RESF1: variants seen among roughly 807,000 people sequenced by gnomAD.
RESF1 encodes the protein gonad expressed transcript.
A neutral mutation model predicts 134.7 loss-of-function variants in RESF1; 65 were observed. That is an observed-to-expected ratio of 0.48 (90% CI 0.40 to 0.59). The LOEUF is 0.59. Among genes scored for constraint, RESF1 ranks in the 20% least tolerant of loss-of-function variants. The probability of loss-of-function intolerance (pLI) is 0.00; values close to 1 mark genes in which losing one functional copy is unlikely to be tolerated. For missense variants in RESF1, 2,274 were observed against 2,002.7 expected, an observed-to-expected ratio of 1.14 and a Z score of -2.59; for synonymous variants, 762 against 702.2, an observed-to-expected ratio of 1.09 and a Z score of -1.35.
chr12:31,978,712 ATTTT>A (rs35842957), intron 3 of RESF1, among the ~76,000 whole-genome samples: 13 of 121,924 alleles, frequency 1.1e-4, no homozygotes, highest in Admixed American at 1.8e-4. Context: ...CACCCAGCTA[ATTTT>A]TTTTTTTTTT....
chr12:31,977,105 C>T (rs1289446790), intron 3 of RESF1, among the ~76,000 whole-genome samples: 1 of 152,034 alleles, frequency 6.6e-6, no homozygotes, highest in Non-Finnish European at 1.5e-5. Flanking sequence ...TGATGCAGTC[C>T]GTTTTATGGA....
At position 31,992,511 on chromosome 12, in the gene RESF1, C is replaced by T; in HGVS notation, c.5220C>T (p.Ser1740=). The change falls in exon 6 of 6, where the codon AGC becomes AGT. Residue 1740 remains serine, a synonymous_variant. Transcript: ENST00000312561. ...TGTACCTGGAGAAGAGAAGCAGAAG[C>T]CTTGGTAGCAGTCCTGTAAAATAAT... ...KQMYLEKRSR[S]LGSSPVK 6.2e-7 allele frequency: 1 copy of T among 1,613,804 alleles called. No individual in the cohort carries two copies. Among genetic ancestry groups the T allele is most frequent in the Non-Finnish European group, 8.5e-7 (1 of 1,179,898 alleles).
Position 31,982,357 on chromosome 12 carries a change from C to G in RESF1, c.1402C>G (p.Gln468Glu), listed in dbSNP as rs145850029. The change falls in exon 4 of 6, where the codon CAA (glutamine) becomes GAA (glutamate). Residue 468 changes from glutamine (Q) to glutamate (E), a missense_variant. Transcript: ENST00000312561. ...TPVMPENAER[Q>E]TPTVVESAET... ...AGTAATGCCAGAGAATGCAGAGAGACAAACACCAACAGTAGTGGAATCTGC... is the reference window on the plus strand; with the variant it reads ...AGTAATGCCAGAGAATGCAGAGAGAGAAACACCAACAGTAGTGGAATCTGC... The G allele has an allele frequency of 6.0e-5, 97 of 1,614,122 alleles. No individual in the cohort carries two copies. The African/African-American group carries it at 1.3e-3, about 21-fold the overall frequency.
At position 31,982,057 on chromosome 12, in the gene RESF1, A is replaced by G. The variant is rs1592260906; in HGVS notation, c.1102A>G (p.Asn368Asp). 1 of 1,614,132 alleles carries G rather than the reference A, an allele frequency of 6.2e-7. No homozygotes were observed. The highest frequency in any genetic ancestry group is 8.5e-7 in the Non-Finnish European group (1 of 1,180,016). The stretch of plus-strand genomic sequence containing the variant: ...TGGTGTTCAGACTCTTGCTCAAACT[A>G]ATGAAGAGAAAATAATGGATTCTTG... ...VDGVQTLAQT[N>D]EEKIMDSCNP... Residue 368 changes from asparagine (N) to aspartate (D), a missense_variant, in exon 4 of 6, where the codon AAT becomes GAT. Coordinates refer to ENST00000312561, the MANE Select transcript of RESF1 (RefSeq NM_018169.4).
At chr12:31,973,691 C>G (rs1939565067) in intron 3 of RESF1, among the ~76,000 whole-genome samples, 1 of 141,872 alleles carries the variant, frequency 7.0e-6, no homozygotes, top group Non-Finnish European at 1.5e-5. Flanking sequence ...AAAAAAAAAC[C>G]AAATTAACAT....
At chr12:31,975,265 A>C (rs1239579517) in intron 3 of RESF1, among the ~76,000 whole-genome samples, 1 of 151,174 alleles carries the variant, frequency 6.6e-6, no homozygotes, top group Non-Finnish European at 1.5e-5. Context: ...ACTCCATCTG[A>C]AAAAAAAAGA....
intron 5 of RESF1, among the ~76,000 whole-genome samples, chr12:31,989,177 A>ACC (rs1940042014): frequency 6.8e-6 from 1 of 146,378 alleles, no homozygotes; most frequent in Non-Finnish European, 1.5e-5. Context: ...CAGGCGGATC[A>ACC]TGAGGTCAGG....
In RESF1 at chr12:31,981,836, C is replaced by G. The variant is rs545958176; in HGVS notation, c.881C>G (p.Thr294Ser). 2 of 1,614,080 alleles carry G rather than the reference C, an allele frequency of 1.2e-6. No homozygotes were observed. The highest frequency in any genetic ancestry group is 2.7e-5 in the African/African-American group (2 of 75,022). ...TATGGAAGCCAGCCTTTGCAAAGTACTCAGCATATTACTAAACACTTGTCT... is the reference window on the plus strand; with the variant it reads ...TATGGAAGCCAGCCTTTGCAAAGTAGTCAGCATATTACTAAACACTTGTCT... Reference protein sequence around the residue: ...CRYGSQPLQSTQHITKHLSME... With the variant: ...CRYGSQPLQSSQHITKHLSME... The change falls in exon 4 of 6, where the codon ACT (threonine) becomes AGT (serine). Residue 294 changes from threonine (T) to serine (S), a missense_variant. Physicochemically the swap from Thr to Ser is moderately conservative, Grantham distance 58. Transcript: ENST00000312561.
At chr12:31,973,167 C>G (rs1171782052) in intron 3 of RESF1, among the ~76,000 whole-genome samples, 3 of 152,066 alleles carry the variant, frequency 2.0e-5, no homozygotes, top group African/African-American at 7.2e-5. Context: ...GGAAACTTGT[C>G]TATGGTAATC....
chr12:31,989,153 T>G (rs942306851), intron 5 of RESF1, among the ~76,000 whole-genome samples: 1 of 150,422 alleles, frequency 6.6e-6, no homozygotes, highest in Non-Finnish European at 1.5e-5. Flanking sequence ...TCTCAGCACT[T>G]TGGGAGGCCG....
intron 3 of RESF1, among the ~76,000 whole-genome samples, chr12:31,972,018 TAG>T (rs1445750618): frequency 6.6e-6 from 1 of 152,156 alleles, no homozygotes; most frequent in Non-Finnish European, 1.5e-5. Context: ...CCGGAAAGGA[TAG>T]AGTTTAGAAG....
intron 2 of RESF1, among the ~76,000 whole-genome samples, chr12:31,963,428 T>A (rs1046662603): frequency 1.3e-5 from 2 of 152,138 alleles, no homozygotes; most frequent in Admixed American, 1.3e-4. Flanking sequence ...TTTAAAGATT[T>A]GGGACACTGT....
rs952771955 is a variant in RESF1 at position 31,960,886 on chromosome 12, T to C, written c.-247+15T>C. 1.3e-5 allele frequency: 2 copies of C among 152,202 alleles called. No homozygotes were observed. The highest frequency in any genetic ancestry group is 4.8e-5 in the African/African-American group (2 of 41,454). The allele number at this position is 152,202 out of a possible 1,614,324, so 9.4% of individuals were successfully genotyped here. A position where few individuals can be genotyped will look rare whatever the true frequency, so the allele number is the denominator to read the frequency against. ...TGTGCTCAACGGTAAGTGTATCACC[T>C]CTAAGAAACCCGCCCTGATTTAACC... is the stretch of plus-strand genomic sequence containing the variant. On this transcript the variant is annotated intron_variant, in intron 2 of 5. Transcript: ENST00000312561.
rs774551691 is a variant in RESF1 at position 31,983,076 on chromosome 12, G to A, written c.2121G>A (p.Lys707=). 1 of 1,613,630 alleles carries A rather than the reference G, an allele frequency of 6.2e-7. No homozygotes were observed. Among genetic ancestry groups the A allele is most frequent in the South Asian group, 1.1e-5 (1 of 91,018 alleles). ...ACACAACAGCAGTTGGAATTTCAAA[G>A]CCTGCTAACATCCACGTTAAGAGTC... ...RTNTTAVGIS[K]PANIHVKSPC... is the part of the protein sequence containing the mutation. Residue 707 remains lysine (K), a synonymous_variant, in exon 4 of 6, where the codon AAG becomes AAA. Transcript: ENST00000312561.
At chr12:31,986,781 A>G (rs549431520) in intron 4 of RESF1, among the ~76,000 whole-genome samples, 125 of 152,326 alleles carry the variant, frequency 8.2e-4, no homozygotes, top group Non-Finnish European at 1.5e-3. Context: ...TTTTCTGACT[A>G]TATTTGTTGG....
rs779185215 is a variant in RESF1 at position 31,983,391 on chromosome 12, T to C, written c.2436T>C (p.Ala812=). The change falls in exon 4 of 6, where the codon GCT becomes GCC. Residue 812 remains alanine (A), a synonymous_variant. Transcript: ENST00000312561. ...TGGCAGAAAATGCAAAGGCAACTGC[T>C]GCTTTGAAAGTTGATGTTAGTGGAC... The part of the protein sequence containing the change: ...NQLAENAKAT[A]ALKVDVSGPV... 8.0e-5 allele frequency: 129 copies of C among 1,613,968 alleles called. 1 individual carries two copies. Among genetic ancestry groups the C allele is most frequent in the South Asian group, 1.1e-5 (1 of 91,092 alleles).
intron 2 of RESF1, among the ~76,000 whole-genome samples, chr12:31,969,913 T>C (rs958637934): frequency 6.6e-6 from 1 of 152,258 alleles, no homozygotes; most frequent in Non-Finnish European, 1.5e-5. Flanking sequence ...CTTATACTTC[T>C]TTCTATTCAT....
At chr12:31,988,856 AT>A (rs1940033282) in intron 5 of RESF1, among the ~76,000 whole-genome samples, 1 of 151,634 alleles carries the variant, frequency 6.6e-6, no homozygotes, top group Non-Finnish European at 1.5e-5. Context: ...CGCCTGGCTT[AT>A]TTTTGTATTT....
intron 2 of RESF1, among the ~76,000 whole-genome samples, chr12:31,963,342 CAAA>C (rs35032861): frequency 2.4e-5 from 3 of 123,336 alleles, no homozygotes; most frequent in Non-Finnish European, 3.6e-5. Flanking sequence ...GAGACTGTCT[CAAA>C]AAAAAAAAAA....
Sources: allele counts gnomAD v4.1 joint callset (sites outside exome capture counted in the v4.1 genomes callset), GRCh38; gene constraint gnomAD v4.1.1; transcripts MANE v1.5; gene names NCBI Gene and HGNC (gene_info 2026-07-23, HGNC 2026-07-21).